PRKN: variants seen among roughly 807,000 people sequenced by gnomAD.
PRKN encodes the protein parkin RBR E3 ubiquitin protein ligase, also known as E3 ubiquitin-protein ligase parkin.
Under a neutral mutation model 59.5 loss-of-function variants are expected in PRKN, and 56 were observed. The ratio of observed to expected loss-of-function variants is 0.94; its 90% CI spans 0.76 to 1.18. The LOEUF is 1.18. PRKN is among the 50% of genes most tolerant of loss of function. The probability of loss-of-function intolerance (pLI) is 0.00; values close to 1 mark genes in which losing one functional copy is unlikely to be tolerated. For synonymous variants in PRKN, 250 were observed against 222.1 expected (o/e 1.13, Z -1.12); for missense variants, 657 against 596.4 (o/e 1.10, Z -1.06).
At chr6:161,433,769 C>A (rs1022880752) in intron 9 of PRKN, among the ~76,000 whole-genome samples, 2 of 151,996 alleles carry the variant, frequency 1.3e-5, no homozygotes, top group Non-Finnish European at 2.9e-5. Flanking sequence ...GTAATCCCAG[C>A]ACTTTGGGAG....
intron 10 of PRKN, among the ~76,000 whole-genome samples, chr6:161,383,520 A>G (rs1786088723): frequency 6.6e-6 from 1 of 152,196 alleles, no homozygotes; most frequent in Admixed American, 6.5e-5. Flanking sequence ...ATCGGATGGC[A>G]GGAGGCAGGA....
intron 9 of PRKN, among the ~76,000 whole-genome samples, chr6:161,394,528 C>A (rs1786661985): frequency 6.6e-6 from 1 of 152,208 alleles, no homozygotes; most frequent in Admixed American, 6.5e-5. Flanking sequence ...AATTTCCATT[C>A]TTGCAAGCTC....
At position 162,013,405 on chromosome 6, in the gene PRKN, C is replaced by T. The variant is rs537512657; in HGVS notation, c.619-39988G>A. ...GTTCCAGCCTCCTATTATACTTTTC[C>T]GGCTCCAACCCCAGAATCAACCATT... is the stretch of plus-strand genomic sequence containing the variant. On this transcript the variant is annotated intron_variant, in intron 5 of 11. Transcript: ENST00000366898. Among the ~76,000 whole-genome samples the T allele has an allele frequency of 5.9e-5, 9 of 152,054 alleles. No homozygotes were observed. In the South Asian group the frequency reaches 6.2e-4, roughly 11 times the overall value.
At chr6:162,369,883 A>G (rs1355817923) in intron 2 of PRKN, among the ~76,000 whole-genome samples, 1 of 152,144 alleles carries the variant, frequency 6.6e-6, no homozygotes, top group Non-Finnish European at 1.5e-5. Flanking sequence ...TCCTGCCTCA[A>G]GACTTGTGGC....
chr6:162,035,997 T>C (rs1223216374), intron 5 of PRKN, among the ~76,000 whole-genome samples: 1 of 152,074 alleles, frequency 6.6e-6, no homozygotes, highest in Non-Finnish European at 1.5e-5. Flanking sequence ...GAGAAGATCC[T>C]CCTAATAATG....
At chr6:162,505,709 T>C (rs1230678227) in intron 1 of PRKN, among the ~76,000 whole-genome samples, 5 of 152,146 alleles carry the variant, frequency 3.3e-5, no homozygotes, top group African/African-American at 4.8e-5. Flanking sequence ...GAAGGGGTAA[T>C]AGAAATAGAA....
intron 4 of PRKN, among the ~76,000 whole-genome samples, chr6:162,176,531 T>A (rs1222275616): frequency 1.3e-5 from 2 of 152,244 alleles, no homozygotes; most frequent in African/African-American, 4.8e-5. Flanking sequence ...TTCAAAGAAA[T>A]GAATTTGGGC....
At chr6:162,033,172 C>T (rs565189684) in intron 5 of PRKN, among the ~76,000 whole-genome samples, 3 of 152,080 alleles carry the variant, frequency 2.0e-5, no homozygotes, top group Admixed American at 6.5e-5. Context: ...GGATCATATT[C>T]GAGTGTATCA....
chr6:161,465,682 T>C (rs1370665499), intron 9 of PRKN, among the ~76,000 whole-genome samples: 1 of 152,198 alleles, frequency 6.6e-6, no homozygotes, highest in Non-Finnish European at 1.5e-5. Context: ...CTGCAATTTG[T>C]TTTAACACAT....
intron 2 of PRKN, among the ~76,000 whole-genome samples, chr6:162,338,821 G>A (rs1320845263): frequency 4.4e-4 from 67 of 150,578 alleles, no homozygotes; most frequent in Non-Finnish European, 8.3e-4. Context: ...GCCTCTTCCC[G>A]GCCACCATCA....
In PRKN at chr6:161,544,422, A is replaced by AATG. The variant is rs1779723682; in HGVS notation, c.1083+4429_1083+4431dup. Among the ~76,000 whole-genome samples the AATG allele has an allele frequency of 6.6e-6, 1 of 152,176 alleles. No individual in the cohort carries two copies. Among genetic ancestry groups the AATG allele is most frequent in the African/African-American group, 2.4e-5 (1 of 41,442 alleles). ...GGTAAGCAGTTCTAATACTGGGATA[A>AATG]ATGATGATTAATATTGGAAAATAAA... is the stretch of plus-strand genomic sequence containing the variant. On this transcript the variant is annotated intron_variant, in intron 9 of 11. Transcript: ENST00000366898. This position sits in a 1 kb window ranked among gnomAD's most constrained non-coding sequence, Gnocchi z 5.5.
intron 6 of PRKN, among the ~76,000 whole-genome samples, chr6:161,900,410 A>G (rs1777844232): frequency 6.9e-6 from 1 of 145,740 alleles, no homozygotes; most frequent in Admixed American, 7.1e-5. Context: ...GGATCAAATT[A>G]GAGAAAATTA....
rs144321587 is a variant in PRKN at position 162,667,350 on chromosome 6, A to G, written c.7+60312T>C. 7.7e-3 allele frequency among the ~76,000 whole-genome samples: 1,176 copies of G among 152,240 alleles called. 17 individuals carry two copies. Among genetic ancestry groups the G allele is most frequent in the African/African-American group, 0.027 (1,124 of 41,588 alleles). On this transcript the variant is annotated intron_variant, in intron 1 of 11. Coordinates refer to ENST00000366898, the MANE Select transcript of PRKN (RefSeq NM_004562.3). ...TACCAAGTATATAATCCACATATAC[A>G]GTATATAAAATCTAAATGCTGTTTA...
intron 1 of PRKN, among the ~76,000 whole-genome samples, chr6:162,471,850 C>T (rs2128178502): frequency 6.6e-6 from 1 of 152,226 alleles, no homozygotes; most frequent in South Asian, 2.1e-4. Context: ...GAACACTAGT[C>T]TTTTTGGAAT....
intron 10 of PRKN, among the ~76,000 whole-genome samples, chr6:161,366,982 CTTTTT>C (rs57164972): frequency 2.0e-4 from 18 of 91,970 alleles, no homozygotes; most frequent in African/African-American, 6.9e-4. Context: ...TTTTTGTTTC[CTTTTT>C]TTTTTTTTTT....
chr6:161,386,815 T>G lies in PRKN; in HGVS notation c.1146A>C (p.Glu382Asp). Reference protein sequence around the residue: ...YHEGECSAVFEASGTTTQAYR... With the variant: ...YHEGECSAVFDASGTTTQAYR... ...GTACCTGAGTAGTTGTTCCTGAGGC[T>G]TCAAATACGGCACTGCACTCCCCTT... is the stretch of plus-strand genomic sequence containing the variant. The change falls in exon 10 of 12, where the codon GAA becomes GAC. Residue 382 changes from glutamate to aspartate, a missense_variant. Transcript: ENST00000366898. This position sits in a 1 kb window ranked among gnomAD's most constrained non-coding sequence, Gnocchi z 4.3. 6.2e-7 allele frequency: 1 copy of G among 1,613,846 alleles called. No homozygotes were observed. The highest frequency in any genetic ancestry group is 8.5e-7 in the Non-Finnish European group (1 of 1,179,776).
chr6:162,017,272 C>T (rs537316608), intron 5 of PRKN, among the ~76,000 whole-genome samples: 3 of 152,230 alleles, frequency 2.0e-5, no homozygotes, highest in South Asian at 4.2e-4. Flanking sequence ...GTCTGGGAAT[C>T]GCTAGTTATG....
chr6:162,254,258 A>G (rs1455281376), intron 3 of PRKN, among the ~76,000 whole-genome samples: 1 of 152,028 alleles, frequency 6.6e-6, no homozygotes, highest in Non-Finnish European at 1.5e-5. Context: ...GGAGTTTGCC[A>G]CCAGTCTGGC....
intron 5 of PRKN, among the ~76,000 whole-genome samples, chr6:162,022,627 G>T (rs1339300910): frequency 2.0e-5 from 3 of 152,192 alleles, no homozygotes; most frequent in Non-Finnish European, 4.4e-5. Context: ...TAAGTTGTCA[G>T]TTTACTCTGT....
Sources: gnomAD v4.1 joint callset for allele counts (sites outside exome capture counted in the v4.1 genomes callset) on GRCh38, gnomAD v4.1.1 for gene constraint, Gnocchi (gnomAD v3.1) non-coding constraint, MANE v1.5 for transcripts, NCBI Gene and HGNC (gene_info 2026-07-23, HGNC 2026-07-21) for gene names.